Variants in ZAR1L observed in about 807,000 individuals in gnomAD.
ZAR1L encodes zygote arrest 1 like.
In ZAR1L, 16 loss-of-function variants were observed where a neutral mutation model predicts 30.0. The observed-to-expected ratio is 0.53, with a 90% CI of 0.36 to 0.81. ZAR1L has a LOEUF of 0.81. Among genes scored for constraint, ZAR1L ranks in the 30% least tolerant of loss-of-function variants. The pLI, the probability that ZAR1L is intolerant of heterozygous loss-of-function variation, is 0.00. For synonymous variants in ZAR1L, 197 were observed against 166.8 expected, an observed-to-expected ratio of 1.18 and a Z score of -1.40; for missense variants, 392 against 417.2, an observed-to-expected ratio of 0.94 and a Z score of 0.53.
intron 5 of ZAR1L, 110 bp downstream of exon 5, chr13:32,308,576 C>A: frequency 1.3e-6 from 1 of 743,808 alleles, no homozygotes. Flanking sequence ...CTCAAACATA[C>A]AGAACACTCA....
At chr13:32,311,147 C>A in intron 3 of ZAR1L, 125 bp downstream of exon 3, 1 of 1,182,238 alleles carries the variant, frequency 8.5e-7, no homozygotes, top group Non-Finnish European at 1.2e-6. Flanking sequence ...TTTCAGAGCT[C>A]CCTCTCCTTC....
In ZAR1L at chr13:32,311,769, C is replaced by A. The variant is rs908553247; in HGVS notation, c.157G>T (p.Ala53Ser). The A allele has an allele frequency of 5.2e-6, 8 of 1,551,540 alleles. No homozygotes were observed. The African/African-American group carries it at 1.1e-4, about 21-fold the overall frequency. ...TCAATGCAGTAGTCAGGGGCGTTCG[C>A]GGGCACCAGCAGCCCTGGCCTGGCC... is the stretch of plus-strand genomic sequence containing the variant. The part of the protein sequence containing the change: ...FLARPGLLVP[A>S]NAPDYCIDPY... The change falls in exon 3 of 6, where the codon GCG becomes TCG. Residue 53 changes from alanine to serine, a missense_variant. Transcript: ENST00000533490.
At chr13:32,308,085 T>A (rs1036140349) in intron 5 of ZAR1L, among the ~76,000 whole-genome samples, 2 of 152,146 alleles carry the variant, frequency 1.3e-5, no homozygotes, top group Non-Finnish European at 2.9e-5. Context: ...ACAGGCATGA[T>A]CCACCATGCC....
chr13:32,307,760 G>A (rs960436234), intron 5 of ZAR1L, among the ~76,000 whole-genome samples: 2 of 152,000 alleles, frequency 1.3e-5, no homozygotes, highest in South Asian at 4.1e-4. Context: ...GAAAATTAGA[G>A]GATGAATCAC....
At chr13:32,313,707 T>C (rs2072229876) in intron 2 of ZAR1L, among the ~76,000 whole-genome samples, 2 of 152,142 alleles carry the variant, frequency 1.3e-5, no homozygotes, top group African/African-American at 4.8e-5. Context: ...ATATTGTAAA[T>C]TGAATACAAA....
In ZAR1L at chr13:32,311,911, G is replaced by A. The variant is rs1266062808; in HGVS notation, c.15C>T (p.Val5=). The A allele has an allele frequency of 2.6e-6, 4 of 1,549,252 alleles. No individual in the cohort carries two copies. In the Admixed American group the frequency reaches 5.9e-5, roughly 23 times the overall value. The change falls in exon 3 of 6, where the codon GTC becomes GTT. Residue 5 remains valine, a synonymous_variant. Transcript: ENST00000533490. ...CCTGGTACAAGCCATAGGGAACACG[G>A]ACAAAGCGCTCCATCCGCTCTCAGG... MERF[V]RVPYGLYQGY...
Position 32,312,002 on chromosome 13 carries a change from C to A in ZAR1L, c.-77G>T, listed in dbSNP as rs1219051296. On this transcript the variant is annotated 5_prime_UTR_variant, in exon 3 of 6. Coordinates refer to ENST00000533490, the MANE Select transcript of ZAR1L (RefSeq NM_001136571.2). The stretch of plus-strand genomic sequence containing the variant: ...TCCTTATTTTGCCTTCCTCCTTCAT[C>A]CGCCCCTTCTTTCTCTTCATCAGGT... 3.5e-6 allele frequency: 5 copies of A among 1,422,458 alleles called. No homozygotes were observed. Among genetic ancestry groups the A allele is most frequent in the East Asian group, 2.5e-5 (1 of 40,008 alleles). 88.1% of individuals were successfully genotyped at this position (1,422,458 alleles called of 1,614,324 possible). A position where few individuals can be genotyped will look rare whatever the true frequency, so the allele number is the denominator to read the frequency against.
At position 32,311,615 on chromosome 13, in the gene ZAR1L, T is replaced by C; in HGVS notation, c.311A>G (p.Gln104Arg). 6.4e-7 allele frequency: 1 copy of C among 1,550,634 alleles called. No individual in the cohort carries two copies. The highest frequency in any genetic ancestry group is 8.7e-7 in the Non-Finnish European group (1 of 1,146,780). Reference protein sequence around the residue: ...QVSPRVDKAVQCSLGPRTLSS... With the variant: ...QVSPRVDKAVRCSLGPRTLSS... Reference sequence around the variant, plus strand: ...GAGGGTGCGAGGCCCCAGAGAGCACTGCACAGCCTTGTCCACCCGCGGGCT... The same window carrying C: ...GAGGGTGCGAGGCCCCAGAGAGCACCGCACAGCCTTGTCCACCCGCGGGCT... The change falls in exon 3 of 6, where the codon CAG (glutamine) becomes CGG (arginine). Residue 104 changes from glutamine (Q) to arginine (R), a missense_variant. Gln to Arg is a conservative substitution (Grantham distance 43). Coordinates refer to ENST00000533490, the MANE Select transcript of ZAR1L (RefSeq NM_001136571.2).
chr13:32,308,653 CAT>C (rs2072192496), intron 5 of ZAR1L, 31 bp downstream of exon 5: 2 of 1,492,568 alleles, frequency 1.3e-6, no homozygotes, highest in Non-Finnish European at 9.1e-7. Context: ...AGTAATGAAA[CAT>C]AGACACAATG....
rs1170965475 is a variant in ZAR1L at position 32,309,967 on chromosome 13, C to T, written c.747+672G>A. ...AGTAAGGCAATTTCTAAACATGCGACAGCACAGGGCGTTCACACTCAAATG... is the reference window on the plus strand; with the variant it reads ...AGTAAGGCAATTTCTAAACATGCGATAGCACAGGGCGTTCACACTCAAATG... On this transcript the variant is annotated intron_variant, in intron 4 of 5. Coordinates refer to ENST00000533490, the MANE Select transcript of ZAR1L (RefSeq NM_001136571.2). Among the ~76,000 whole-genome samples the T allele has an allele frequency of 2.0e-5, 3 of 152,226 alleles. No individual in the cohort carries two copies. In the East Asian group the frequency reaches 5.8e-4, roughly 29 times the overall value.
chr13:32,311,606 A>C lies in ZAR1L; in HGVS notation c.320T>G (p.Leu107Arg). Residue 107 changes from leucine to arginine, a missense_variant, in exon 3 of 6, where the codon CTG becomes CGG. Transcript: ENST00000533490. ...GCAGCTGCTGAGGGTGCGAGGCCCCAGAGAGCACTGCACAGCCTTGTCCAC... is the reference window on the plus strand; with the variant it reads ...GCAGCTGCTGAGGGTGCGAGGCCCCCGAGAGCACTGCACAGCCTTGTCCAC... ...PRVDKAVQCS[L>R]GPRTLSSCSP... 1.3e-6 allele frequency: 2 copies of C among 1,549,158 alleles called. No individual in the cohort carries two copies. The highest frequency in any genetic ancestry group is 3.9e-5 in the Admixed American group (2 of 50,930).
rs1052309722 is a variant in ZAR1L, at chr13:32,311,912, A to G, written c.14T>C (p.Val5Ala). The G allele has an allele frequency of 2.1e-5, 33 of 1,549,076 alleles. No homozygotes were observed. Among genetic ancestry groups the G allele is most frequent in the Non-Finnish European group, 2.9e-5 (33 of 1,145,464 alleles). The change falls in exon 3 of 6, where the codon GTC becomes GCC. Residue 5 changes from valine to alanine, a missense_variant. Transcript: ENST00000533490. MERFVRVPYGLYQGY... is the reference protein window; with the variant it reads MERFARVPYGLYQGY... The stretch of plus-strand genomic sequence containing the variant: ...CTGGTACAAGCCATAGGGAACACGG[A>G]CAAAGCGCTCCATCCGCTCTCAGGT...
chr13:32,310,543 A>C (rs942909589), intron 4 of ZAR1L, 96 bp downstream of exon 4: 2 of 842,508 alleles, frequency 2.4e-6, no homozygotes, highest in Non-Finnish European at 1.9e-6. Context: ...TCAAGACAGG[A>C]CTATGACAGC....
In ZAR1L at chr13:32,308,749, T is replaced by C. The variant is rs1274222731; in HGVS notation, c.759A>G (p.Lys253=). Residue 253 remains lysine, a synonymous_variant, in exon 5 of 6, where the codon AAA becomes AAG. Transcript: ENST00000533490. ...TCTTTTGGCATTTACAACAGAGTTG[T>C]TTGAAATAAACCTAAAGAGAAATAT... ...CISGTNKVYF[K]QLCCKCQKSF... is the part of the protein sequence containing the mutation. 6.5e-7 allele frequency: 1 copy of C among 1,549,120 alleles called. No individual in the cohort carries two copies. The highest frequency in any genetic ancestry group is 8.7e-7 in the Non-Finnish European group (1 of 1,145,740).
In ZAR1L at chr13:32,311,439, C is replaced by T. The variant is rs752881464; in HGVS notation, c.487G>A (p.Ala163Thr). The T allele has an allele frequency of 3.2e-6, 5 of 1,548,484 alleles. No homozygotes were observed. Among genetic ancestry groups the T allele is most frequent in the South Asian group, 1.2e-5 (1 of 84,052 alleles). Reference sequence around the variant, plus strand: ...CGTGATGGTGGCTGCGGCTGGCTGGCCTCCGCAGGGCCCGGGAGCGCCTTG... The same window carrying T: ...CGTGATGGTGGCTGCGGCTGGCTGGTCTCCGCAGGGCCCGGGAGCGCCTTG... ...ESKALPGPAE[A>T]SQPQPPSRRS... The change falls in exon 3 of 6, where the codon GCC becomes ACC. Residue 163 changes from alanine to threonine, a missense_variant. By Grantham distance (58) the Ala-to-Thr change is moderately conservative. Coordinates refer to ENST00000533490, the MANE Select transcript of ZAR1L (RefSeq NM_001136571.2).
chr13:32,310,774 A>G (rs2072206720), intron 3 of ZAR1L, 43 bp from the exon 4 acceptor site: 5 of 1,307,282 alleles, frequency 3.8e-6, no homozygotes, highest in South Asian at 1.3e-5. Flanking sequence ...ATGCAAGGGG[A>G]AAAAAGCCAG....
chr13:32,312,240 T>C (rs1257275326), intron 2 of ZAR1L, 147 bp from the exon 3 acceptor site: 3 of 329,320 alleles, frequency 9.1e-6, no homozygotes, highest in Non-Finnish European at 5.6e-6. Context: ...ATGCTTTAAT[T>C]AGTGATTAAT....
Position 32,311,532 on chromosome 13 carries a change from C to A in ZAR1L, c.394G>T (p.Val132Phe), listed in dbSNP as rs2072213369. 4 of 1,536,062 alleles carry A rather than the reference C, an allele frequency of 2.6e-6. No individual in the cohort carries two copies. Among genetic ancestry groups the A allele is most frequent in the African/African-American group, 1.4e-5 (1 of 72,752 alleles). Residue 132 changes from valine to phenylalanine, a missense_variant, in exon 3 of 6, where the codon GTC (valine) becomes TTC (phenylalanine). Val to Phe is a conservative substitution (Grantham distance 50, BLOSUM62 -1). Transcript: ENST00000533490. The part of the protein sequence containing the change: ...DPQEPLPACG[V>F]TSPATGRRGL... ...CTGCGGCCGGTGGCGGGCGAAGTGA[C>A]CCCACAGGCTGGCAGGGGCTCCTGG...
intron 5 of ZAR1L, among the ~76,000 whole-genome samples, chr13:32,304,826 T>G (rs1593872303): frequency 6.6e-6 from 1 of 150,494 alleles, no homozygotes; most frequent in African/African-American, 2.5e-5. Context: ...TTTTTTTTTT[T>G]GAAATGGAGT....
Sources: gnomAD v4.1 joint callset for allele counts (sites outside exome capture counted in the v4.1 genomes callset) on GRCh38, gnomAD v4.1.1 for gene constraint, MANE v1.5 for transcripts, NCBI Gene and HGNC (gene_info 2026-07-23, HGNC 2026-07-21) for gene names.